Variants in MYH15 observed in about 807,000 individuals in gnomAD.
MYH15 encodes myosin-15.
In MYH15, 227 loss-of-function variants were observed where a neutral mutation model predicts 240.5. The ratio of observed to expected loss-of-function variants is 0.94; its 90% confidence interval spans 0.85 to 1.05. The LOEUF (loss-of-function observed/expected upper bound fraction) is 1.05. MYH15 is among the 50% of genes least tolerant of loss of function. The pLI is 0.00. For missense variants in MYH15, 2,217 were observed against 2,247.5 expected, an observed-to-expected ratio of 0.99 and a Z score of 0.27; for synonymous variants, 785 against 796.7, an observed-to-expected ratio of 0.99 and a Z score of 0.25.
At chr3:108,403,543 G>A (rs2082524759) in intron 33 of MYH15, among the ~76,000 whole-genome samples, 1 of 142,272 alleles carries the variant, frequency 7.0e-6, no homozygotes, top group African/African-American at 2.6e-5. Context: ...GTTTCCTTAA[G>A]ATGCCCTTGC....
At chr3:108,492,201 TAC>T (rs10662107) in intron 9 of MYH15, among the ~76,000 whole-genome samples, 38 of 148,028 alleles carry the variant, frequency 2.6e-4, no homozygotes, top group African/African-American at 5.5e-4. Flanking sequence ...AATGCTTTTA[TAC>T]ACACACACAC....
intron 22 of MYH15, among the ~76,000 whole-genome samples, chr3:108,442,925 A>G (rs2082896413): frequency 6.6e-6 from 1 of 151,976 alleles, no homozygotes; most frequent in African/African-American, 2.4e-5. Flanking sequence ...GGTTTGCTCT[A>G]GAGTTTGCTT....
In MYH15 at chr3:108,506,897, G is replaced by T. The variant is rs536978869; in HGVS notation, c.89-1068C>A. Among the ~76,000 whole-genome samples, 3 of 152,274 alleles carry T rather than the reference G, an allele frequency of 2.0e-5. No individual in the cohort carries two copies. In the South Asian group the frequency reaches 6.2e-4, roughly 32 times the overall value. On this transcript the variant is annotated intron_variant, in intron 1 of 40. Coordinates refer to ENST00000693548, the MANE Select transcript of MYH15 (RefSeq NM_014981.3). The stretch of plus-strand genomic sequence containing the variant: ...AATACAAAAATTAGCTGGGCATGGT[G>T]GCGTGTGCCTGTAATCCCAGCTACT...
intron 28 of MYH15, among the ~76,000 whole-genome samples, chr3:108,417,919 C>T (rs140153730): frequency 6.3e-4 from 96 of 152,008 alleles, no homozygotes; most frequent in African/African-American, 2.1e-3. Flanking sequence ...TTTTAAAAAT[C>T]ATATTTGTTA....
At chr3:108,417,093 T>C (rs1181022442) in intron 28 of MYH15, among the ~76,000 whole-genome samples, 163 bp from the exon 29 acceptor site, 1 of 152,202 alleles carries the variant, frequency 6.6e-6, no homozygotes, top group East Asian at 1.9e-4. Context: ...ACCGTGGCAA[T>C]GATCCTTTCC....
At chr3:108,391,608 A>T in intron 37 of MYH15, 152 bp downstream of exon 37, 2 of 818,330 alleles carry the variant, frequency 2.4e-6, no homozygotes, top group Non-Finnish European at 3.9e-6. Context: ...GAATGCATAT[A>T]TTGAGATCTG....
intron 30 of MYH15, 76 bp downstream of exon 30, chr3:108,414,156 C>A (rs926877366): frequency 2.0e-6 from 3 of 1,478,494 alleles, no homozygotes; most frequent in Non-Finnish European, 2.8e-6. Context: ...ACCATGAGGC[C>A]TTGGAGACAG....
chr3:108,437,467 G>A (rs911290934), intron 25 of MYH15, 87 bp downstream of exon 25: 2 of 1,480,790 alleles, frequency 1.4e-6, no homozygotes, highest in Admixed American at 2.4e-5. Flanking sequence ...ATCTGGCCCT[G>A]GAGTCCTAAG....
the MYH15 span, among the ~76,000 whole-genome samples, chr3:108,545,654 ATGCAGAGGTTACCAC>A: frequency 6.6e-6 from 1 of 151,984 alleles, no homozygotes. Flanking sequence ...TAATTTCATT[ATGCAGAGGTTACCAC>A]TGTTCACTGT....
chr3:108,428,609 G>A lies in MYH15; in HGVS notation c.3585C>T (p.Leu1195=), dbSNP rs766318640. The change falls in exon 27 of 41, where the codon CTC becomes CTT. Residue 1195 remains leucine (L), a synonymous_variant. Transcript: ENST00000693548. ...KKRHADSLAE[L]EGQVENLQQV... ...GCTGTAGATTTTCTACCTGGCCCTCGAGCTCAGCCAGGCTGTCTGCATGTC... is the reference window on the plus strand; with the variant it reads ...GCTGTAGATTTTCTACCTGGCCCTCAAGCTCAGCCAGGCTGTCTGCATGTC... The A allele has an allele frequency of 6.8e-6, 11 of 1,613,340 alleles. No homozygotes were observed. The highest frequency in any genetic ancestry group is 1.1e-5 in the South Asian group (1 of 91,040).
At chr3:108,391,975 G>A in intron 36 of MYH15, 45 bp from the exon 37 acceptor site, 8 of 1,592,148 alleles carry the variant, frequency 5.0e-6, no homozygotes, top group Non-Finnish European at 6.0e-6. Flanking sequence ...GCAGTCAATT[G>A]ATCTTAACAT....
intron 21 of MYH15, among the ~76,000 whole-genome samples, chr3:108,445,753 C>T (rs2082922208): frequency 6.6e-6 from 1 of 151,614 alleles, no homozygotes; most frequent in South Asian, 2.1e-4. Context: ...CTGATGGAGA[C>T]TATCAAATAA....
At chr3:108,491,893 C>A (rs1018042715) in intron 9 of MYH15, among the ~76,000 whole-genome samples, 2 of 152,112 alleles carry the variant, frequency 1.3e-5, no homozygotes, top group African/African-American at 4.8e-5. Context: ...TTCACTTTGT[C>A]TGACTGAATC....
At chr3:108,547,443 G>A in the MYH15 span, among the ~76,000 whole-genome samples, 1 of 152,032 alleles carries the variant, frequency 6.6e-6, no homozygotes, top group East Asian at 1.9e-4. Flanking sequence ...GTAAAGTGAT[G>A]ATCCAAATGA....
chr3:108,417,360 T>A (rs539141019), intron 28 of MYH15, among the ~76,000 whole-genome samples: 2 of 152,314 alleles, frequency 1.3e-5, no homozygotes, highest in Admixed American at 1.3e-4. Context: ...TAGATTCAAA[T>A]GAAGTTCTTG....
At chr3:108,519,491 C>T (rs1405436508) in intron 1 of MYH15, among the ~76,000 whole-genome samples, 2 of 152,054 alleles carry the variant, frequency 1.3e-5, no homozygotes, top group Admixed American at 1.3e-4. Flanking sequence ...TCACATTCAC[C>T]AACCAATAAC....
chr3:108,428,538 T>C lies in MYH15; in HGVS notation c.3656A>G (p.Glu1219Gly). Reference sequence around the variant, plus strand: ...AACACGGGTCAGGAGGTCATCTACTTCTAGCTGCAAGTCACTCTTGTCTTT... The same window carrying C: ...AACACGGGTCAGGAGGTCATCTACTCCTAGCTGCAAGTCACTCTTGTCTTT... ...LEKDKSDLQL[E>G]VDDLLTRVEQ... Residue 1219 changes from glutamate (E) to glycine (G), a missense_variant, in exon 27 of 41, where the codon GAA (glutamate) becomes GGA (glycine). Coordinates refer to ENST00000693548, the MANE Select transcript of MYH15 (RefSeq NM_014981.3). 1 of 1,614,130 alleles carries C rather than the reference T, an allele frequency of 6.2e-7. No homozygotes were observed. The highest frequency in any genetic ancestry group is 8.5e-7 in the Non-Finnish European group (1 of 1,180,030).
chr3:108,390,061 T>G (rs2082412646), intron 37 of MYH15, among the ~76,000 whole-genome samples: 1 of 152,126 alleles, frequency 6.6e-6, no homozygotes, highest in Admixed American at 6.6e-5. Flanking sequence ...TTCTGACACC[T>G]GCTATATAGG....
chr3:108,484,134 T>G (rs557618530), intron 11 of MYH15, among the ~76,000 whole-genome samples: 1 of 152,330 alleles, frequency 6.6e-6, no homozygotes, highest in South Asian at 2.1e-4. Flanking sequence ...AAGTAGTTGT[T>G]GAAAGAGTTG....
Sources: gnomAD v4.1 joint callset for allele counts (sites outside exome capture counted in the v4.1 genomes callset) on GRCh38, gnomAD v4.1.1 for gene constraint, MANE v1.5 for transcripts, NCBI Gene and HGNC (gene_info 2026-07-23, HGNC 2026-07-21) for gene names.